The following NFATC2 variants were observed in gnomAD, a reference collection of about 807,000 sequenced individuals.
NFATC2 encodes nuclear factor of activated T cells 2.
Under a neutral mutation model 87.3 loss-of-function variants are expected in NFATC2, and 22 were observed. That is an observed-to-expected ratio of 0.25 (90% CI 0.18 to 0.36). The LOEUF (loss-of-function observed/expected upper bound fraction) is 0.36. NFATC2 is among the 10% of genes least tolerant of loss of function. The pLI is 1.00. For missense variants in NFATC2, 1,149 were observed against 1,259.1 expected (o/e 0.91, Z 1.32); for synonymous variants, 565 against 542.2 (o/e 1.04, Z -0.58).
chr20:51,491,124 T>C (rs6013195), intron 3 of NFATC2, among the ~76,000 whole-genome samples: 62,734 of 152,004 alleles, frequency 0.41, 14,082 homozygotes, highest in African/African-American at 0.58. Flanking sequence ...GCTAGGAGAA[T>C]GTCCTGTATT....
At chr20:51,479,374 T>C (rs1219782651) in intron 3 of NFATC2, among the ~76,000 whole-genome samples, 1 of 152,164 alleles carries the variant, frequency 6.6e-6, no homozygotes, top group African/African-American at 2.4e-5. Context: ...TCCCAGCACA[T>C]TGGGAGGCCA....
intron 3 of NFATC2, among the ~76,000 whole-genome samples, chr20:51,515,685 TA>T (rs11481096): frequency 0.021 from 3,062 of 144,242 alleles, 81 homozygotes; most frequent in Admixed American, 0.078. Flanking sequence ...GTGTCTGATT[TA>T]AAAAAAAAAA....
Position 51,398,623 on chromosome 20 carries a change from AAGC to A in NFATC2, c.*44+17_*44+19del. On this transcript the variant is annotated intron_variant, in intron 10 of 10. Coordinates refer to ENST00000371564, the MANE Select transcript of NFATC2 (RefSeq NM_012340.5). ...ACACACAGCTGGAAAACAAAAGGAG[AAGC>A]AGAAGATATCGATTACCTTTAACTT... is the stretch of plus-strand genomic sequence containing the variant. The A allele has an allele frequency of 6.5e-7, 1 of 1,548,564 alleles. No individual in the cohort carries two copies. Among genetic ancestry groups the A allele is most frequent in the Non-Finnish European group, 8.8e-7 (1 of 1,136,422 alleles).
chr20:51,514,317 T>G (rs1316569961), intron 3 of NFATC2, among the ~76,000 whole-genome samples: 2 of 152,236 alleles, frequency 1.3e-5, no homozygotes, highest in East Asian at 3.9e-4. Context: ...TCTCTCTCCT[T>G]AAGACTTAAA....
chr20:51,501,670 C>T (rs1319060365), intron 3 of NFATC2, among the ~76,000 whole-genome samples: 1 of 152,168 alleles, frequency 6.6e-6, no homozygotes, highest in Non-Finnish European at 1.5e-5. Flanking sequence ...CCATTCCTGC[C>T]TTATTTTTCT....
At chr20:51,496,511 G>A (rs1451590166) in intron 3 of NFATC2, among the ~76,000 whole-genome samples, 1 of 151,590 alleles carries the variant, frequency 6.6e-6, no homozygotes, top group Non-Finnish European at 1.5e-5. Flanking sequence ...GTGACCCAGA[G>A]CCTCACTACC....
At chr20:51,531,559 C>G (rs2076634014) in intron 1 of NFATC2, among the ~76,000 whole-genome samples, 1 of 152,196 alleles carries the variant, frequency 6.6e-6, no homozygotes, top group African/African-American at 2.4e-5. Context: ...ATCCAGGTCT[C>G]AGTCAACAGA....
chr20:51,400,164 C>T (rs768860270), intron 9 of NFATC2, among the ~76,000 whole-genome samples: 4 of 151,720 alleles, frequency 2.6e-5, no homozygotes, highest in African/African-American at 4.8e-5. Flanking sequence ...CCACCCCGGC[C>T]CTACAGCAAG....
At chr20:51,436,537 C>T (rs1019931806) in intron 6 of NFATC2, among the ~76,000 whole-genome samples, 7 of 151,738 alleles carry the variant, frequency 4.6e-5, no homozygotes, top group African/African-American at 1.7e-4. Context: ...GGTGAAACCC[C>T]GTCTCTACTA....
At chr20:51,426,639 T>C (rs994410663) in intron 9 of NFATC2, among the ~76,000 whole-genome samples, 2 of 152,182 alleles carry the variant, frequency 1.3e-5, no homozygotes, top group African/African-American at 4.8e-5. Flanking sequence ...AGCAAGTAAC[T>C]TGCCTGAGGT....
At chr20:51,486,103 C>T (rs954640742) in intron 3 of NFATC2, among the ~76,000 whole-genome samples, 1 of 151,880 alleles carries the variant, frequency 6.6e-6, no homozygotes, top group Non-Finnish European at 1.5e-5. Flanking sequence ...CCCAGCTACT[C>T]AGGAGACTGA....
chr20:51,522,005 C>G lies in NFATC2; in HGVS notation c.1160+1076G>C, dbSNP rs546445163. ...ACTTTGAGTCCATGTGGTGTGCAGGCATTGTATTAGGTATTCTAAGGTATG... is the reference window on the plus strand; with the variant it reads ...ACTTTGAGTCCATGTGGTGTGCAGGGATTGTATTAGGTATTCTAAGGTATG... On this transcript the variant is annotated intron_variant, in intron 2 of 10. Transcript: ENST00000371564. 3.3e-5 allele frequency among the ~76,000 whole-genome samples: 5 copies of G among 152,202 alleles called. No homozygotes were observed. The South Asian group carries it at 6.2e-4, about 19-fold the overall frequency.
chr20:51,554,748 A>G (rs1007341005), intron 1 of NFATC2, among the ~76,000 whole-genome samples: 6 of 152,132 alleles, frequency 3.9e-5, no homozygotes, highest in African/African-American at 1.4e-4. Flanking sequence ...CGAGTCTGAT[A>G]CTCATTACTG....
intron 3 of NFATC2, among the ~76,000 whole-genome samples, chr20:51,483,251 G>A (rs1989417270): frequency 1.3e-5 from 2 of 152,266 alleles, no homozygotes; most frequent in Middle Eastern, 3.4e-3. Context: ...AATACTCTCA[G>A]TTGGACGATT....
At chr20:51,557,489 G>A (rs1045689903) in intron 1 of NFATC2, among the ~76,000 whole-genome samples, 2 of 152,188 alleles carry the variant, frequency 1.3e-5, no homozygotes, top group African/African-American at 4.8e-5. Flanking sequence ...TGCTGTCACT[G>A]TCATTGTCAT....
chr20:51,541,853 G>A (rs1018536394), intron 1 of NFATC2, among the ~76,000 whole-genome samples: 3 of 152,178 alleles, frequency 2.0e-5, no homozygotes, highest in Non-Finnish European at 4.4e-5. Flanking sequence ...CTCACAGGAG[G>A]TGATGGGAGC....
chr20:51,554,914 C>T (rs1378027352), intron 1 of NFATC2, among the ~76,000 whole-genome samples: 1 of 152,188 alleles, frequency 6.6e-6, no homozygotes, highest in Non-Finnish European at 1.5e-5. Flanking sequence ...GACAAGAAAG[C>T]ACATCTGAAG....
intron 9 of NFATC2, among the ~76,000 whole-genome samples, chr20:51,426,938 A>G (rs932852593): frequency 6.6e-6 from 1 of 152,188 alleles, no homozygotes; most frequent in African/African-American, 2.4e-5. Context: ...AAGTAGATTT[A>G]AGAATAAGCA....
At chr20:51,405,325 C>T (rs989945433) in intron 9 of NFATC2, among the ~76,000 whole-genome samples, 4 of 152,214 alleles carry the variant, frequency 2.6e-5, no homozygotes, top group Admixed American at 1.3e-4. Context: ...GTACCAGAGG[C>T]TGCTCTTCGG....
Sources: allele counts gnomAD v4.1 joint callset (sites outside exome capture counted in the v4.1 genomes callset), GRCh38; gene constraint gnomAD v4.1.1; transcripts MANE v1.5; gene names NCBI Gene and HGNC (gene_info 2026-07-23, HGNC 2026-07-21).